The following PRKCE variants were observed in gnomAD, a reference collection of about 807,000 sequenced individuals.
The protein encoded by PRKCE is protein kinase C epsilon type.
PRKCE carries 16 observed loss-of-function variants against 85.4 expected under a neutral mutation model. The observed-to-expected ratio is 0.19, with a 90% CI of 0.13 to 0.28. The LOEUF (loss-of-function observed/expected upper bound fraction) is 0.28, where lower values mean the gene tolerates loss of function less well. Among genes scored for constraint, PRKCE ranks in the 10% least tolerant of loss-of-function variants. The probability of loss-of-function intolerance (pLI) is 1.00; values close to 1 mark genes in which losing one functional copy is unlikely to be tolerated. For missense variants in PRKCE, 573 were observed against 975.2 expected, an observed-to-expected ratio of 0.59 and a Z score of 5.49; for synonymous variants, 388 against 371.5, an observed-to-expected ratio of 1.04 and a Z score of -0.51.
chr2:45,862,331 A>G (rs1359186177), intron 2 of PRKCE, among the ~76,000 whole-genome samples: 2 of 152,148 alleles, frequency 1.3e-5, no homozygotes, highest in Non-Finnish European at 2.9e-5. Flanking sequence ...TCATCCGTCC[A>G]GGTCTCACCA....
At chr2:46,027,132 G>A (rs6731152) in intron 10 of PRKCE, among the ~76,000 whole-genome samples, 38,218 of 152,038 alleles carry the variant, frequency 0.25, 5,274 homozygotes, top group African/African-American at 0.36. Flanking sequence ...TCATGCCACT[G>A]TACTCCAGCC....
chr2:46,120,850 A>T (rs59297833), intron 11 of PRKCE, among the ~76,000 whole-genome samples: 5 of 152,166 alleles, frequency 3.3e-5, no homozygotes, highest in Non-Finnish European at 7.3e-5. Context: ...TATTTAATCT[A>T]TCCATACTGT....
chr2:46,072,577 A>G (rs146152997), intron 10 of PRKCE, among the ~76,000 whole-genome samples: 1 of 152,366 alleles, frequency 6.6e-6, no homozygotes, highest in East Asian at 1.9e-4. Flanking sequence ...CAGGTCCTCA[A>G]TTTGATTTCA....
chr2:46,133,983 G>C (rs1320111020), intron 11 of PRKCE, among the ~76,000 whole-genome samples: 1 of 152,214 alleles, frequency 6.6e-6, no homozygotes, highest in East Asian at 1.9e-4. Context: ...AGAGGGTGTT[G>C]CTTGGTTCTC....
chr2:45,807,049 G>A (rs944905437), intron 1 of PRKCE, among the ~76,000 whole-genome samples: 2 of 152,228 alleles, frequency 1.3e-5, no homozygotes, highest in African/African-American at 4.8e-5. Flanking sequence ...AGGACAGGCT[G>A]TGGGATTCAG....
At chr2:45,916,712 C>G (rs1195895764) in intron 2 of PRKCE, among the ~76,000 whole-genome samples, 1 of 152,132 alleles carries the variant, frequency 6.6e-6, no homozygotes, top group Non-Finnish European at 1.5e-5. Context: ...CACAATAAAG[C>G]CCGATTACAG....
intron 10 of PRKCE, among the ~76,000 whole-genome samples, chr2:46,077,692 T>G (rs868681696): frequency 2.0e-5 from 3 of 152,350 alleles, no homozygotes; most frequent in African/African-American, 7.2e-5. Context: ...TTGTTATTAT[T>G]ACATAGGAAC....
chr2:45,727,737 C>T (rs528925421), intron 1 of PRKCE, among the ~76,000 whole-genome samples: 39 of 152,206 alleles, frequency 2.6e-4, no homozygotes, highest in South Asian at 2.1e-4. Flanking sequence ...TCACTGTAAC[C>T]GCTGGCTCCT....
At chr2:45,973,980 G>A (rs780808999) in intron 2 of PRKCE, among the ~76,000 whole-genome samples, 4 of 152,168 alleles carry the variant, frequency 2.6e-5, no homozygotes, top group Admixed American at 6.5e-5. Flanking sequence ...AATGTATTCC[G>A]TGGTGAATCC....
intron 2 of PRKCE, among the ~76,000 whole-genome samples, chr2:45,904,896 C>A (rs1696857193): frequency 6.6e-6 from 1 of 152,012 alleles, no homozygotes; most frequent in Admixed American, 6.6e-5. Context: ...GTTGGTGAGC[C>A]CTGGGGGAGG....
intron 1 of PRKCE, among the ~76,000 whole-genome samples, chr2:45,841,011 T>C (rs1363645708): frequency 6.6e-6 from 1 of 152,140 alleles, no homozygotes; most frequent in African/African-American, 2.4e-5. Context: ...CACAGAGCCT[T>C]TTCCCACCTC....
intron 14 of PRKCE, among the ~76,000 whole-genome samples, chr2:46,169,878 G>C (rs1678720840): frequency 6.6e-6 from 1 of 152,190 alleles, no homozygotes; most frequent in African/African-American, 2.4e-5. Context: ...CACAGGCAGT[G>C]AGCTAAGGGG....
intron 1 of PRKCE, among the ~76,000 whole-genome samples, chr2:45,798,583 A>C (rs1026602042): frequency 1.3e-5 from 2 of 152,256 alleles, no homozygotes; most frequent in Non-Finnish European, 2.9e-5. Context: ...AAATTTAAAA[A>C]GTGTAAAGCC....
intron 2 of PRKCE, among the ~76,000 whole-genome samples, chr2:45,958,814 ATATTTTTTTTTTTTTTT>A (rs1452443105): frequency 1.3e-3 from 34 of 25,428 alleles, no homozygotes; most frequent in African/African-American, 4.5e-3. Context: ...ATATATATAT[ATATTTTTTTTTTTTTTT>A]TTTTTTTTTT....
chr2:45,868,604 G>A lies in PRKCE; in HGVS notation c.412+25541G>A, dbSNP rs143712979. On this transcript the variant is annotated intron_variant, in intron 2 of 14. Coordinates refer to ENST00000306156, the MANE Select transcript of PRKCE (RefSeq NM_005400.3). ...CTCCCAAAATACTGGGATTATAGGC[G>A]TGAGCCACCATGCCTGGCTGATTTT... Among the ~76,000 whole-genome samples the A allele has an allele frequency of 2.4e-3, 363 of 150,488 alleles. 3 individuals are homozygous for A. Among genetic ancestry groups the A allele is most frequent in the African/African-American group, 8.3e-3 (339 of 41,050 alleles).
chr2:45,725,466 GC>G (rs1279693234), intron 1 of PRKCE, among the ~76,000 whole-genome samples: 3 of 152,084 alleles, frequency 2.0e-5, no homozygotes, highest in African/African-American at 7.2e-5. Context: ...ATTTCATAAG[GC>G]TTTAGCTGCC....
intron 10 of PRKCE, among the ~76,000 whole-genome samples, chr2:46,085,558 G>GGACCTGGATATC (rs1315975184): frequency 1.4e-5 from 2 of 147,514 alleles, no homozygotes. Context: ...CCTTTGGCTT[G>GGACCTGGATATC]TGACTGTTTC....
At chr2:46,177,208 G>A (rs1055897845) in intron 14 of PRKCE, among the ~76,000 whole-genome samples, 7 of 152,122 alleles carry the variant, frequency 4.6e-5, no homozygotes, top group African/African-American at 1.4e-4. Flanking sequence ...TTGAGCCCAG[G>A]AATTCAAGAC....
chr2:45,901,848 T>C (rs1437004302), intron 2 of PRKCE, among the ~76,000 whole-genome samples: 1 of 152,212 alleles, frequency 6.6e-6, no homozygotes, highest in East Asian at 1.9e-4. Flanking sequence ...ACACACGATG[T>C]CTGTAAAACC....
Sources: gnomAD v4.1 joint callset for allele counts (sites outside exome capture counted in the v4.1 genomes callset) on GRCh38, gnomAD v4.1.1 for gene constraint, MANE v1.5 for transcripts, NCBI Gene and HGNC (gene_info 2026-07-23, HGNC 2026-07-21) for gene names.